The following SNX29 variants were observed in gnomAD, a reference collection of about 807,000 sequenced individuals.
SNX29 encodes the protein sorting nexin-29.
In SNX29, 78 loss-of-function variants were observed where a neutral mutation model predicts 102.1. The ratio of observed to expected loss-of-function variants is 0.76; its 90% CI spans 0.64 to 0.92. The LOEUF is 0.92. Among genes scored for constraint, SNX29 ranks in the 40% least tolerant of loss-of-function variants. The pLI, the probability that SNX29 is intolerant of heterozygous loss-of-function variation, is 0.00. For missense variants in SNX29, 1,280 were observed against 1,061.7 expected, an observed-to-expected ratio of 1.21 and a Z score of -2.86; for synonymous variants, 580 against 414.5, an observed-to-expected ratio of 1.40 and a Z score of -4.85.
At chr16:12,008,564 C>T (rs537576841) in intron 3 of SNX29, among the ~76,000 whole-genome samples, 4 of 152,066 alleles carry the variant, frequency 2.6e-5, no homozygotes, top group South Asian at 2.1e-4. Context: ...CCACCGCACC[C>T]GGCCTGGATC....
intron 18 of SNX29, among the ~76,000 whole-genome samples, chr16:12,409,080 C>G (rs2084288616): frequency 6.6e-6 from 1 of 152,156 alleles, no homozygotes; most frequent in Non-Finnish European, 1.5e-5. Context: ...CTTTTCAGGA[C>G]AAAGTAATAT....
intron 14 of SNX29, among the ~76,000 whole-genome samples, chr16:12,210,481 A>G (rs1413030730): frequency 1.3e-5 from 2 of 150,274 alleles, no homozygotes; most frequent in African/African-American, 4.9e-5. Context: ...GGTGTCCACC[A>G]TCACTCTCGG....
chr16:12,573,345 G>A lies in SNX29; in HGVS notation c.*4716G>A, dbSNP rs186398163. On this transcript the variant is annotated 3_prime_UTR_variant, in exon 21 of 21. Transcript: ENST00000566228. ...TCTGAATTATGTCATGGAGTAGACA[G>A]TTACTTCTAAATCCCAGCAACCAAG... 1.7e-3 allele frequency: 392 copies of A among 225,458 alleles called. 1 individual carries two copies. Among genetic ancestry groups the A allele is most frequent in the African/African-American group, 8.4e-3 (378 of 45,054 alleles). The allele number at this position is 225,458 out of a possible 1,614,324, so 14.0% of individuals were successfully genotyped here. A position where few individuals can be genotyped will look rare whatever the true frequency, so the allele number is the denominator to read the frequency against.
At chr16:12,494,179 C>G (rs902421206) in intron 19 of SNX29, among the ~76,000 whole-genome samples, 8 of 152,130 alleles carry the variant, frequency 5.3e-5, no homozygotes, top group Admixed American at 3.3e-4. Flanking sequence ...GAGTTCCTGT[C>G]TCAACAACAA....
chr16:12,295,804 T>C (rs577753688), intron 15 of SNX29, among the ~76,000 whole-genome samples: 4 of 152,218 alleles, frequency 2.6e-5, no homozygotes, highest in Non-Finnish European at 4.4e-5. Flanking sequence ...CAAGTAGATT[T>C]TTTTTTTAAT....
rs1555569759 is a variant in SNX29, at chr16:12,537,789, A to AT, written c.2318+12949dup. Among the ~76,000 whole-genome samples, 16 of 152,230 alleles carry AT rather than the reference A, an allele frequency of 1.1e-4. No individual in the cohort carries two copies. In the South Asian group the frequency reaches 3.3e-3, roughly 32 times the overall value. On this transcript the variant is annotated intron_variant, in intron 20 of 20. Coordinates refer to ENST00000566228, the MANE Select transcript of SNX29 (RefSeq NM_032167.5). ...TGTTTAAACAAAAAAAAGTAATAAA[A>AT]TATCTCCTATATCAGAGAGGTGTGT... is the stretch of plus-strand genomic sequence containing the variant.
intron 18 of SNX29, among the ~76,000 whole-genome samples, chr16:12,432,618 C>A (rs1054699023): frequency 6.6e-6 from 1 of 152,210 alleles, no homozygotes; most frequent in African/African-American, 2.4e-5. Flanking sequence ...ACGTGCCGCG[C>A]GTCACCTCCT....
rs142756613 is a variant in SNX29, at chr16:12,504,951, C to T, written c.2179-19751C>T. ...GCCTATTCATTCGTCAGTTGGTAGA[C>T]ATTTGAGGTGTTTCCATTTTTTGGC... On this transcript the variant is annotated intron_variant, in intron 19 of 20. Coordinates refer to ENST00000566228, the MANE Select transcript of SNX29 (RefSeq NM_032167.5). 2.0e-4 allele frequency among the ~76,000 whole-genome samples: 31 copies of T among 152,190 alleles called. No homozygotes were observed. The East Asian group carries it at 5.4e-3, about 27-fold the overall frequency.
intron 19 of SNX29, among the ~76,000 whole-genome samples, chr16:12,507,683 G>T (rs758714468): frequency 4.6e-5 from 7 of 152,164 alleles, no homozygotes; most frequent in Non-Finnish European, 7.3e-5. Flanking sequence ...TTTCGGCCCT[G>T]ATTTTTTACT....
At chr16:12,235,784 ATT>A (rs1567341929) in intron 14 of SNX29, among the ~76,000 whole-genome samples, 1 of 143,036 alleles carries the variant, frequency 7.0e-6, no homozygotes, top group Non-Finnish European at 1.5e-5. Flanking sequence ...TGGGTTGTAA[ATT>A]GTGTGTGTGT....
chr16:12,563,287 C>A (rs1052670840), intron 20 of SNX29, among the ~76,000 whole-genome samples: 1 of 152,082 alleles, frequency 6.6e-6, no homozygotes, highest in Non-Finnish European at 1.5e-5. Context: ...GTTCTGGATC[C>A]ACAGCTCGGA....
In SNX29 at chr16:12,201,039, G is replaced by C. The variant is rs115950139; in HGVS notation, c.1678+1356G>C. Reference sequence around the variant, plus strand: ...GCTTATTTAGTAATAGTATAAAGATGTGAATGTTTTTGAAGCTTGTATATT... The same window carrying C: ...GCTTATTTAGTAATAGTATAAAGATCTGAATGTTTTTGAAGCTTGTATATT... On this transcript the variant is annotated intron_variant, in intron 14 of 20. Transcript: ENST00000566228. Among the ~76,000 whole-genome samples the C allele has an allele frequency of 8.0e-3, 1,224 of 152,306 alleles. 15 individuals are homozygous for C. Among genetic ancestry groups the C allele is most frequent in the African/African-American group, 0.028 (1,170 of 41,562 alleles).
intron 14 of SNX29, among the ~76,000 whole-genome samples, chr16:12,256,618 C>T (rs918919404): frequency 3.0e-4 from 46 of 152,298 alleles, no homozygotes; most frequent in South Asian, 1.7e-3. Context: ...TGAGCCACTG[C>T]GCCCGGCCTC....
intron 14 of SNX29, among the ~76,000 whole-genome samples, chr16:12,220,486 G>C (rs2142106815): frequency 6.6e-6 from 1 of 152,218 alleles, no homozygotes; most frequent in Admixed American, 6.5e-5. Context: ...CCTGCTATGA[G>C]GCTGTGATTT....
At chr16:12,560,463 G>A (rs1291380714) in intron 20 of SNX29, among the ~76,000 whole-genome samples, 2 of 152,156 alleles carry the variant, frequency 1.3e-5, no homozygotes, top group East Asian at 1.9e-4. Context: ...TTGGGTTCTT[G>A]CCTGGGAGTC....
chr16:12,314,151 T>A (rs1020379808), intron 15 of SNX29, among the ~76,000 whole-genome samples: 10 of 152,168 alleles, frequency 6.6e-5, no homozygotes, highest in African/African-American at 2.4e-4. Flanking sequence ...CCAGCAGGCC[T>A]GGCTATTTTT....
At chr16:12,533,094 G>A (rs115931322) in intron 20 of SNX29, among the ~76,000 whole-genome samples, 1,684 of 152,320 alleles carry the variant, frequency 0.011, 31 homozygotes, top group African/African-American at 0.039. Context: ...TCACACCTCC[G>A]GGGAGGGACA....
At chr16:12,504,588 A>G (rs1243488087) in intron 19 of SNX29, among the ~76,000 whole-genome samples, 1 of 152,156 alleles carries the variant, frequency 6.6e-6, no homozygotes, top group Non-Finnish European at 1.5e-5. Context: ...CCCTTATCCA[A>G]GGTTTTACTT....
At chr16:12,078,777 G>A in intron 10 of SNX29, 56 bp from the exon 11 acceptor site, 1 of 1,459,632 alleles carries the variant, frequency 6.9e-7, no homozygotes. Flanking sequence ...TTGGAATGGT[G>A]AGGGTGTGTA....
Sources: gnomAD v4.1 joint callset for allele counts (sites outside exome capture counted in the v4.1 genomes callset) on GRCh38, gnomAD v4.1.1 for gene constraint, MANE v1.5 for transcripts, NCBI Gene and HGNC (gene_info 2026-07-23, HGNC 2026-07-21) for gene names.